Variants in ACTR3B observed in about 807,000 individuals in gnomAD.
ACTR3B encodes the protein actin-related protein 3B.
Under a neutral mutation model 59.0 loss-of-function variants are expected in ACTR3B, and 8 were observed. The observed-to-expected ratio is 0.14, with a 90% CI of 0.08 to 0.24. The LOEUF (loss-of-function observed/expected upper bound fraction) is 0.24, where lower values mean the gene tolerates loss of function less well. Ranked by LOEUF, ACTR3B falls within the 10% of genes least tolerant of loss-of-function variation. ACTR3B has a pLI of 1.00. For missense variants in ACTR3B, 245 were observed against 552.3 expected, an observed-to-expected ratio of 0.44 and a Z score of 5.58; for synonymous variants, 148 against 197.9, an observed-to-expected ratio of 0.75 and a Z score of 2.12.
chr7:152,783,358 ACCGTTC>A, intron 2 of ACTR3B, 116 bp downstream of exon 2: 28 of 1,209,008 alleles, frequency 2.3e-5, no homozygotes, highest in Non-Finnish European at 3.0e-5. Flanking sequence ...CTTTTAGAAG[ACCGTTC>A]TGGTTACCCC....
intron 4 of ACTR3B, among the ~76,000 whole-genome samples, chr7:152,807,121 T>G (rs1345744577): frequency 6.6e-6 from 1 of 152,066 alleles, no homozygotes; most frequent in Non-Finnish European, 1.5e-5. Context: ...GGAAGTTAGA[T>G]GAGGAGTTTG....
At chr7:152,828,539 G>T (rs543482904) in intron 9 of ACTR3B, among the ~76,000 whole-genome samples, 1 of 152,174 alleles carries the variant, frequency 6.6e-6, no homozygotes, top group East Asian at 1.9e-4. Context: ...CAAGTGCACA[G>T]ATCAGTAGGT....
chr7:152,829,770 TCAGCGC>T (rs1283713906), intron 9 of ACTR3B, among the ~76,000 whole-genome samples: 1 of 152,192 alleles, frequency 6.6e-6, no homozygotes, highest in Admixed American at 6.5e-5. Context: ...AGGACCGCCA[TCAGCGC>T]CAGCCCACTC....
At chr7:152,769,119 C>G (rs916353906) in intron 1 of ACTR3B, among the ~76,000 whole-genome samples, 1 of 152,104 alleles carries the variant, frequency 6.6e-6, no homozygotes, top group African/African-American at 2.4e-5. Flanking sequence ...TCCTAAAGTG[C>G]TGGGATTACA....
intron 4 of ACTR3B, among the ~76,000 whole-genome samples, chr7:152,807,617 C>T (rs974441133): frequency 5.3e-5 from 8 of 152,324 alleles, no homozygotes; most frequent in East Asian, 1.9e-4. Flanking sequence ...CTGTCAGCAC[C>T]GCGCAAGAGG....
chr7:152,781,193 GTTTT>G (rs369933153), intron 1 of ACTR3B, among the ~76,000 whole-genome samples: 1 of 94,420 alleles, frequency 1.1e-5, no homozygotes, highest in Non-Finnish European at 2.0e-5. Context: ...CGTTTCAGTG[GTTTT>G]TTTTTTTTTT....
chr7:152,844,847 G>T (rs1204625795), intron 9 of ACTR3B, among the ~76,000 whole-genome samples: 1 of 144,346 alleles, frequency 6.9e-6, no homozygotes, highest in Non-Finnish European at 1.5e-5. Flanking sequence ...GAGTCTGATT[G>T]TATTTGTTAA....
chr7:152,854,028 C>T lies in ACTR3B; in HGVS notation c.1162-430C>T, dbSNP rs985234867. Reference sequence around the variant, plus strand: ...CAGGTGTGAGCCTCTGTGCCCGGCCCGATATAAACTATATCTTAATAATCA... The same window carrying T: ...CAGGTGTGAGCCTCTGTGCCCGGCCTGATATAAACTATATCTTAATAATCA... On this transcript the variant is annotated intron_variant, in intron 11 of 11. Transcript: ENST00000256001. This position sits in a 1 kb window ranked among gnomAD's most constrained non-coding sequence, Gnocchi z 4.9. 1.6e-4 allele frequency among the ~76,000 whole-genome samples: 24 copies of T among 152,150 alleles called. No individual in the cohort carries two copies. The highest frequency in any genetic ancestry group is 2.6e-4 in the Admixed American group (4 of 15,276).
At chr7:152,833,583 T>C (rs913152855) in intron 9 of ACTR3B, among the ~76,000 whole-genome samples, 27 of 152,210 alleles carry the variant, frequency 1.8e-4, no homozygotes, top group African/African-American at 5.8e-4. Flanking sequence ...GGCTGATAGG[T>C]GGCACTGTGT....
chr7:152,828,858 G>A (rs897595115), intron 9 of ACTR3B, among the ~76,000 whole-genome samples: 3 of 152,096 alleles, frequency 2.0e-5, no homozygotes, highest in African/African-American at 7.2e-5. Flanking sequence ...TGGGTGCCCT[G>A]AAGATGTGCT....
At chr7:152,851,301 A>T (rs950804296) in intron 9 of ACTR3B, among the ~76,000 whole-genome samples, 13 of 152,092 alleles carry the variant, frequency 8.5e-5, no homozygotes, top group Non-Finnish European at 1.9e-4. Context: ...ACCCTTCCTC[A>T]TCTTGTGAGG....
chr7:152,781,193 G>GT (rs369933153), intron 1 of ACTR3B, among the ~76,000 whole-genome samples: 37,518 of 94,388 alleles, frequency 0.4, 8,484 homozygotes, highest in Non-Finnish European at 0.5. Flanking sequence ...CGTTTCAGTG[G>GT]TTTTTTTTTT....
chr7:152,784,615 C>T (rs1415229943), intron 2 of ACTR3B, among the ~76,000 whole-genome samples: 1 of 152,162 alleles, frequency 6.6e-6, no homozygotes, highest in East Asian at 1.9e-4. Flanking sequence ...TAACAAAATA[C>T]TAAAGACTGG....
At chr7:152,810,333 C>T (rs1319155329) in intron 4 of ACTR3B, among the ~76,000 whole-genome samples, 1 of 151,822 alleles carries the variant, frequency 6.6e-6, no homozygotes, top group African/African-American at 2.4e-5. Flanking sequence ...TCTTGAACTC[C>T]TGACCTCAGG....
intron 2 of ACTR3B, among the ~76,000 whole-genome samples, chr7:152,789,549 ATTT>A (rs76565911): frequency 6.9e-4 from 97 of 140,748 alleles, no homozygotes; most frequent in Middle Eastern, 3.9e-3. Flanking sequence ...GGTTTGTAAG[ATTT>A]TTTTTTTTTA....
intron 1 of ACTR3B, among the ~76,000 whole-genome samples, chr7:152,780,707 A>G (rs2098149865): frequency 6.6e-6 from 1 of 151,670 alleles, no homozygotes; most frequent in Non-Finnish European, 1.5e-5. Flanking sequence ...TATCTACTAG[A>G]TTTACCATTT....
chr7:152,833,958 C>G (rs888646641), intron 9 of ACTR3B, among the ~76,000 whole-genome samples: 1 of 152,016 alleles, frequency 6.6e-6, no homozygotes, highest in African/African-American at 2.4e-5. Context: ...GGGTGGGAAG[C>G]AAGGTGTGCC....
At chr7:152,832,066 G>A (rs749161672) in intron 9 of ACTR3B, among the ~76,000 whole-genome samples, 16 of 152,184 alleles carry the variant, frequency 1.1e-4, no homozygotes, top group African/African-American at 2.2e-4. Flanking sequence ...AGAACCACGC[G>A]GAGGCAGGAC....
At chr7:152,791,923 G>A (rs1038901356) in intron 2 of ACTR3B, among the ~76,000 whole-genome samples, 7 of 152,062 alleles carry the variant, frequency 4.6e-5, no homozygotes, top group African/African-American at 9.7e-5. Flanking sequence ...ACAGAATCTC[G>A]CTTTGTTGCC....
Sources: gnomAD v4.1 joint callset for allele counts (sites outside exome capture counted in the v4.1 genomes callset) on GRCh38, gnomAD v4.1.1 for gene constraint, Gnocchi (gnomAD v3.1) non-coding constraint, MANE v1.5 for transcripts, NCBI Gene and HGNC (gene_info 2026-07-23, HGNC 2026-07-21) for gene names.